ATM: variants seen among roughly 807,000 people sequenced by gnomAD.
ATM encodes the protein serine-protein kinase ATM.
Under a neutral mutation model 387.0 loss-of-function variants are expected in ATM, and 308 were observed. The ratio of observed to expected loss-of-function variants is 0.80; its 90% CI spans 0.73 to 0.87. The LOEUF (loss-of-function observed/expected upper bound fraction) is 0.87, where lower values mean the gene tolerates loss of function less well. ATM is among the 40% of genes least tolerant of loss of function. ATM has a pLI of 0.00. For synonymous variants in ATM, 1,156 were observed against 1,187.3 expected (o/e 0.97, Z 0.54); for missense variants, 3,312 against 3,560.9 (o/e 0.93, Z 1.78).
intron 47 of ATM, among the ~76,000 whole-genome samples, chr11:108,326,955 A>G (rs1363277665): frequency 6.6e-6 from 1 of 152,102 alleles, no homozygotes; most frequent in East Asian, 1.9e-4. Flanking sequence ...CCTCCCTTGT[A>G]GCTGGGATTA....
intron 16 of ATM, among the ~76,000 whole-genome samples, chr11:108,266,669 A>G (rs1038420380): frequency 6.6e-6 from 1 of 151,696 alleles, no homozygotes; most frequent in Non-Finnish European, 1.5e-5. Flanking sequence ...TTTGCATATT[A>G]TTTTGTTATG....
chr11:108,251,917 T>G lies in ATM; in HGVS notation c.1688T>G (p.Met563Arg), dbSNP rs750815208. ...GTAAAAATGGGAATAGAGCAAAATA[T>G]GTGTGAAGTAAATAGAAGCTTTTCT... is the stretch of plus-strand genomic sequence containing the variant. ...GTVKMGIEQN[M>R]CEVNRSFSLK... The change falls in exon 11 of 63, where the codon ATG becomes AGG. Residue 563 changes from methionine (M) to arginine (R), a missense_variant. Coordinates refer to ENST00000675843, the MANE Select transcript of ATM (RefSeq NM_000051.4). The G allele has an allele frequency of 8.7e-6, 14 of 1,613,826 alleles. No individual in the cohort carries two copies. Among genetic ancestry groups the G allele is most frequent in the African/African-American group, 1.3e-5 (1 of 74,940 alleles).
At chr11:108,310,374 G>T (rs1266768906) in intron 39 of ATM, 59 bp downstream of exon 39, 1 of 1,501,388 alleles carries the variant, frequency 6.7e-7, no homozygotes, top group Non-Finnish European at 9.2e-7. Context: ...CTCAATAAGG[G>T]TATATAGTAA....
intron 56 of ATM, among the ~76,000 whole-genome samples, chr11:108,339,930 C>T (rs1220025309): frequency 1.3e-5 from 2 of 152,088 alleles, no homozygotes; most frequent in African/African-American, 4.8e-5. Flanking sequence ...GCCATGAGAT[C>T]ATTCATTTGT....
intron 8 of ATM, 145 bp downstream of exon 8, chr11:108,247,272 G>A: frequency 1.4e-6 from 1 of 728,516 alleles, no homozygotes; most frequent in Non-Finnish European, 2.3e-6. Flanking sequence ...CAAACTATCA[G>A]AAATATTTGG....
At chr11:108,254,926 G>T (rs886321353) in intron 13 of ATM, among the ~76,000 whole-genome samples, 3 of 152,192 alleles carry the variant, frequency 2.0e-5, no homozygotes, top group African/African-American at 7.2e-5. Context: ...TAGGATTACA[G>T]GCGTGAGCCA....
At chr11:108,270,264 C>T (rs1024977044) in intron 18 of ATM, among the ~76,000 whole-genome samples, 2 of 152,102 alleles carry the variant, frequency 1.3e-5, no homozygotes, top group Non-Finnish European at 2.9e-5. Flanking sequence ...GACTTCTTCC[C>T]TGCCCATGAT....
At chr11:108,236,577 A>G (rs1201333366) in intron 5 of ATM, 4 of 152,376 alleles carry the variant, frequency 2.6e-5, no homozygotes, top group Admixed American at 2.6e-4. Flanking sequence ...TGAAAGTTCA[A>G]AGGGGCGTGG....
chr11:108,263,791 A>T (rs2081054766), intron 16 of ATM, among the ~76,000 whole-genome samples: 1 of 150,318 alleles, frequency 6.7e-6, no homozygotes, highest in South Asian at 2.1e-4. Context: ...AAAAATGATA[A>T]AGGGGATATC....
At chr11:108,297,603 G>A (rs1249256892) in intron 33 of ATM, among the ~76,000 whole-genome samples, 4 of 152,194 alleles carry the variant, frequency 2.6e-5, no homozygotes, top group Admixed American at 6.5e-5. Context: ...ATTGCCCAAT[G>A]ACACATTTCT....
At chr11:108,312,304 TG>T in intron 39 of ATM, 106 bp from the exon 40 acceptor site, 1 of 820,230 alleles carries the variant, frequency 1.2e-6, no homozygotes, top group Non-Finnish European at 2.1e-6. Flanking sequence ...TATTCTGTTT[TG>T]TTTGCCACCT....
chr11:108,243,939 T>TC lies in ATM; in HGVS notation c.497-14_497-13insC, dbSNP rs776788385. 2.6e-6 allele frequency: 4 copies of TC among 1,531,686 alleles called. No individual in the cohort carries two copies. The Admixed American group carries it at 8.4e-5, about 32-fold the overall frequency. 94.9% of individuals were successfully genotyped at this position (1,531,686 alleles called of 1,614,324 possible). ...TTAAAAAATCATGACTAATAATTTT[T>TC]TTTTTTTTTTAAGAATTGTTCTCTG... On this transcript the variant is annotated splice_polypyrimidine_tract_variant and intron_variant, in intron 5 of 62. Transcript: ENST00000675843.
chr11:108,311,918 CCTGA>C (rs1299998733), intron 39 of ATM, among the ~76,000 whole-genome samples: 8 of 152,140 alleles, frequency 5.3e-5, no homozygotes, highest in African/African-American at 1.9e-4. Context: ...GAGTTCTAAT[CCTGA>C]CTGTCAAACT....
intron 26 of ATM, chr11:108,287,134 G>T: frequency 6.5e-6 from 1 of 154,242 alleles, no homozygotes; most frequent in Non-Finnish European, 1.4e-5. Flanking sequence ...AGTCTGGGAA[G>T]AAGTTACGCA....
chr11:108,326,011 G>A (rs763159103), intron 46 of ATM, 47 bp from the exon 47 acceptor site: 2 of 1,587,086 alleles, frequency 1.3e-6, no homozygotes, highest in Non-Finnish European at 1.7e-6. Flanking sequence ...CATGGTAGTA[G>A]TATCAGTAGT....
chr11:108,333,530 G>A (rs906808254), intron 53 of ATM, among the ~76,000 whole-genome samples: 2 of 152,168 alleles, frequency 1.3e-5, no homozygotes, highest in Non-Finnish European at 2.9e-5. Context: ...CAAACAAAAA[G>A]TATTGACATG....
chr11:108,362,966 A>G (rs2090957822), intron 61 of ATM, among the ~76,000 whole-genome samples: 1 of 152,002 alleles, frequency 6.6e-6, no homozygotes, highest in Non-Finnish European at 1.5e-5. Context: ...AAAAACTAAA[A>G]AAACAAACAA....
intron 5 of ATM, among the ~76,000 whole-genome samples, chr11:108,242,508 G>A (rs1363701996): frequency 6.6e-6 from 1 of 152,156 alleles, no homozygotes; most frequent in African/African-American, 2.4e-5. Context: ...CCCCTTTGTA[G>A]ATGACATGAT....
chr11:108,257,748 T>G, intron 15 of ATM, 142 bp downstream of exon 15: 1 of 845,876 alleles, frequency 1.2e-6, no homozygotes, highest in Non-Finnish European at 1.9e-6. Flanking sequence ...GCCTCCCAAG[T>G]AATTGGGACT....
Sources: allele counts gnomAD v4.1 joint callset (sites outside exome capture counted in the v4.1 genomes callset), GRCh38; gene constraint gnomAD v4.1.1; transcripts MANE v1.5; gene names NCBI Gene and HGNC (gene_info 2026-07-23, HGNC 2026-07-21).